ZSWIM6: variants seen among roughly 807,000 people sequenced by gnomAD.
ZSWIM6 encodes zinc finger SWIM domain-containing protein 6.
Under a neutral mutation model 113.2 loss-of-function variants are expected in ZSWIM6, and 9 were observed. The ratio of observed to expected loss-of-function variants is 0.08; its 90% CI spans 0.05 to 0.14. The LOEUF (loss-of-function observed/expected upper bound fraction) is 0.14, where lower values mean the gene tolerates loss of function less well. Ranked by LOEUF, ZSWIM6 falls within the 10% of genes least tolerant of loss-of-function variation. The pLI, the probability that ZSWIM6 is intolerant of heterozygous loss-of-function variation, is 1.00. For missense variants in ZSWIM6, 1,162 were observed against 1,552.2 expected (o/e 0.75, Z 4.22); for synonymous variants, 611 against 606.5 (o/e 1.01, Z -0.11).
chr5:61,359,530 G>A (rs949467168), intron 1 of ZSWIM6, among the ~76,000 whole-genome samples: 3 of 152,182 alleles, frequency 2.0e-5, no homozygotes, highest in Non-Finnish European at 4.4e-5. Context: ...GGTGAATGAA[G>A]ATGGGTGGAC....
At chr5:61,491,713 A>C (rs1302563738) in intron 3 of ZSWIM6, among the ~76,000 whole-genome samples, 1 of 152,098 alleles carries the variant, frequency 6.6e-6, no homozygotes, top group African/African-American at 2.4e-5. Flanking sequence ...GGGTATAGTC[A>C]TCATTATGAT....
At chr5:61,393,172 C>G (rs1183366752) in intron 1 of ZSWIM6, among the ~76,000 whole-genome samples, 1 of 151,876 alleles carries the variant, frequency 6.6e-6, no homozygotes, top group East Asian at 1.9e-4. Context: ...TCCCGAGTAG[C>G]TGGGACTACA....
intron 4 of ZSWIM6, among the ~76,000 whole-genome samples, chr5:61,521,017 A>G (rs905330690): frequency 5.3e-5 from 8 of 152,142 alleles, no homozygotes; most frequent in Non-Finnish European, 5.9e-5. Flanking sequence ...CCTCCTTTCA[A>G]TAAACTCTCT....
chr5:61,358,091 C>G (rs1171554529), intron 1 of ZSWIM6, among the ~76,000 whole-genome samples: 2 of 152,168 alleles, frequency 1.3e-5, no homozygotes, highest in Non-Finnish European at 2.9e-5. Flanking sequence ...TGTATGTCTT[C>G]TTTGCCTCTA....
chr5:61,430,610 G>A (rs1746559479), intron 1 of ZSWIM6, among the ~76,000 whole-genome samples: 3 of 152,016 alleles, frequency 2.0e-5, no homozygotes, highest in Non-Finnish European at 4.4e-5. Flanking sequence ...TACAGCATAT[G>A]GGGGTTCTGC....
chr5:61,442,682 G>A (rs1746866367), intron 1 of ZSWIM6, among the ~76,000 whole-genome samples: 1 of 152,144 alleles, frequency 6.6e-6, no homozygotes. Flanking sequence ...TCAAAGCCCT[G>A]GGAATATGAC....
chr5:61,377,765 A>G (rs1161624845), intron 1 of ZSWIM6, among the ~76,000 whole-genome samples: 1 of 152,132 alleles, frequency 6.6e-6, no homozygotes, highest in Non-Finnish European at 1.5e-5. Flanking sequence ...AAAAATGTTT[A>G]CAGCTCCACA....
chr5:61,387,560 G>A (rs1027405035), intron 1 of ZSWIM6, among the ~76,000 whole-genome samples: 1 of 152,070 alleles, frequency 6.6e-6, no homozygotes, highest in Admixed American at 6.5e-5. Flanking sequence ...CAGTTACTTG[G>A]GAGGCTGAGG....
intron 1 of ZSWIM6, among the ~76,000 whole-genome samples, chr5:61,353,388 C>G (rs1319596086): frequency 6.6e-6 from 1 of 152,172 alleles, no homozygotes; most frequent in African/African-American, 2.4e-5. Context: ...TGTTAAGTCA[C>G]TTGTCAGGAG....
chr5:61,393,662 CG>C (rs977877313), intron 1 of ZSWIM6, among the ~76,000 whole-genome samples: 8 of 150,702 alleles, frequency 5.3e-5, no homozygotes, highest in African/African-American at 2.0e-4. Context: ...CACTTGAACT[CG>C]GGGGGCGGAG....
intron 1 of ZSWIM6, among the ~76,000 whole-genome samples, chr5:61,353,749 A>G (rs1456686616): frequency 2.0e-5 from 3 of 151,844 alleles, no homozygotes; most frequent in Non-Finnish European, 4.4e-5. Flanking sequence ...CAGTCACAAC[A>G]TTTAGTGACA....
chr5:61,363,945 CTT>C (rs1392979832), intron 1 of ZSWIM6, among the ~76,000 whole-genome samples: 2 of 147,560 alleles, frequency 1.4e-5, no homozygotes, highest in East Asian at 4.0e-4. Flanking sequence ...CTTTCTTTTT[CTT>C]TCTCTCTCTC....
chr5:61,417,525 G>A (rs769183142), intron 1 of ZSWIM6, among the ~76,000 whole-genome samples: 21 of 152,186 alleles, frequency 1.4e-4, no homozygotes, highest in Non-Finnish European at 2.4e-4. Flanking sequence ...ACAGTAATTA[G>A]AAAGGCTGCC....
chr5:61,505,134 T>C (rs751174778), intron 4 of ZSWIM6, among the ~76,000 whole-genome samples: 7 of 152,198 alleles, frequency 4.6e-5, no homozygotes, highest in Non-Finnish European at 1.0e-4. Context: ...GGATGAGCCA[T>C]GAAACTGTTT....
intron 4 of ZSWIM6, among the ~76,000 whole-genome samples, chr5:61,506,019 T>C (rs1748609546): frequency 6.6e-6 from 1 of 151,932 alleles, no homozygotes. Context: ...GTGCTGGGAT[T>C]ACAGGCGTGA....
chr5:61,480,165 G>C (rs1245732640), intron 2 of ZSWIM6, among the ~76,000 whole-genome samples: 1 of 152,082 alleles, frequency 6.6e-6, no homozygotes, highest in Admixed American at 6.6e-5. Context: ...GAGCATTGGA[G>C]AATGTACAAA....
At chr5:61,464,460 G>T (rs1439395737) in intron 1 of ZSWIM6, among the ~76,000 whole-genome samples, 1 of 152,076 alleles carries the variant, frequency 6.6e-6, no homozygotes, top group African/African-American at 2.4e-5. Flanking sequence ...CTCTCCTAGA[G>T]AACATCAGTT....
At chr5:61,334,911 C>T (rs62366238) in intron 1 of ZSWIM6, among the ~76,000 whole-genome samples, 5 of 151,154 alleles carry the variant, frequency 3.3e-5, no homozygotes, top group Admixed American at 2.0e-4. Flanking sequence ...TTTTTTCCCC[C>T]TCCCTCTCCC....
chr5:61,333,379 C>G (rs942512809), intron 1 of ZSWIM6, among the ~76,000 whole-genome samples: 13 of 151,860 alleles, frequency 8.6e-5, no homozygotes, highest in Non-Finnish European at 1.9e-4. Context: ...CAGACAATGC[C>G]GGCCGCGGCC....
Sources: gnomAD v4.1 joint callset for allele counts (sites outside exome capture counted in the v4.1 genomes callset) on GRCh38, gnomAD v4.1.1 for gene constraint, MANE v1.5 for transcripts, NCBI Gene and HGNC (gene_info 2026-07-23, HGNC 2026-07-21) for gene names.